The following SAMM50 variants were observed in gnomAD, a reference collection of about 807,000 sequenced individuals.
The protein encoded by SAMM50 is sorting and assembly machinery component 50 homolog.
In SAMM50, 47 loss-of-function variants were observed where a neutral mutation model predicts 66.9. That is an observed-to-expected ratio of 0.70 (90% CI 0.56 to 0.90). SAMM50 has a LOEUF of 0.90. SAMM50 is among the 40% of genes least tolerant of loss of function. The probability of loss-of-function intolerance (pLI) is 0.00; values close to 1 mark genes in which losing one functional copy is unlikely to be tolerated. For missense variants in SAMM50, 535 were observed against 595.3 expected (o/e 0.90, Z 1.05); for synonymous variants, 191 against 214.1 (o/e 0.89, Z 0.94).
In SAMM50 at chr22:43,972,348, C is replaced by G; in HGVS notation, c.429+6C>G. ...GAAACAATGAAGGCAGTATGGTATG[C>G]TACAGGCTTTTTACTTTCTTATATT... On this transcript the variant is annotated splice_donor_region_variant and intron_variant, in intron 5 of 14. Transcript: ENST00000350028. 1 of 1,502,554 alleles carries G rather than the reference C, an allele frequency of 6.7e-7. No homozygotes were observed. The allele number at this position is 1,502,554 out of a possible 1,614,324, so 93.1% of individuals were successfully genotyped here.
At chr22:43,977,658 C>T (rs572623040) in intron 9 of SAMM50, among the ~76,000 whole-genome samples, 12 of 152,322 alleles carry the variant, frequency 7.9e-5, no homozygotes, top group African/African-American at 2.4e-4. Context: ...CAGAGGGCAG[C>T]CTCTGCACCT....
At chr22:43,984,921 C>T (rs1375323993) in intron 12 of SAMM50, among the ~76,000 whole-genome samples, 1 of 151,996 alleles carries the variant, frequency 6.6e-6, no homozygotes, top group Non-Finnish European at 1.5e-5. Flanking sequence ...TGAGCCACTG[C>T]GCCTGGCCCC....
chr22:43,976,103 C>G lies in SAMM50; in HGVS notation c.697C>G (p.Arg233Gly), dbSNP rs143794573. The change falls in exon 8 of 15, where the codon CGA becomes GGA. Residue 233 changes from arginine (R) to glycine (G), a missense_variant. Physicochemically the swap from Arg to Gly is moderately radical, Grantham distance 125. Coordinates refer to ENST00000350028, the MANE Select transcript of SAMM50 (RefSeq NM_015380.5). Reference sequence around the variant, plus strand: ...CACTGTCAAGTGGGAAGGCGTATGGCGAGAACTGGGCTGCCTCTCAAGGAC... The same window carrying G: ...CACTGTCAAGTGGGAAGGCGTATGGGGAGAACTGGGCTGCCTCTCAAGGAC... ...SHTVKWEGVWRELGCLSRTAS... is the reference protein window; with the variant it reads ...SHTVKWEGVWGELGCLSRTAS... The G allele has an allele frequency of 1.9e-6, 3 of 1,612,816 alleles. No homozygotes were observed. The highest frequency in any genetic ancestry group is 2.5e-6 in the Non-Finnish European group (3 of 1,178,992).
intron 13 of SAMM50, 149 bp downstream of exon 13, chr22:43,989,406 G>A (rs980310225): frequency 2.0e-5 from 16 of 784,626 alleles, no homozygotes; most frequent in South Asian, 9.5e-5. Flanking sequence ...GCGCAATCTC[G>A]GCTCACTGCA....
intron 4 of SAMM50, 87 bp downstream of exon 4, chr22:43,968,905 G>T (rs2050189098): frequency 2.3e-6 from 2 of 859,778 alleles, no homozygotes; most frequent in Non-Finnish European, 3.9e-6. Flanking sequence ...GATCTGGGCA[G>T]CAGAGCACTG....
Position 43,976,062 on chromosome 22 carries a change from T to C in SAMM50, c.656T>C (p.Ile219Thr). Residue 219 changes from isoleucine to threonine, a missense_variant, in exon 8 of 15, where the codon ATA becomes ACA. By Grantham distance (89) the Ile-to-Thr change is moderately conservative (BLOSUM62 -1). Transcript: ENST00000350028. ...CTGATCTCCATGTTGCAGTTTCCCATATGGAAGACCAGCCACACTGTCAAG... is the reference window on the plus strand; with the variant it reads ...CTGATCTCCATGTTGCAGTTTCCCACATGGAAGACCAGCCACACTGTCAAG... Reference protein sequence around the residue: ...RGMSAEYSFPIWKTSHTVKWE... With the variant: ...RGMSAEYSFPTWKTSHTVKWE... 2 of 1,610,168 alleles carry C rather than the reference T, an allele frequency of 1.2e-6. No individual in the cohort carries two copies. The highest frequency in any genetic ancestry group is 1.7e-6 in the Non-Finnish European group (2 of 1,176,610).
chr22:43,992,583 T>C (rs2050331009), intron 14 of SAMM50, among the ~76,000 whole-genome samples: 1 of 152,270 alleles, frequency 6.6e-6, no homozygotes, highest in South Asian at 2.1e-4. Context: ...GGGGCCCAGC[T>C]TGGCCACTCT....
Position 43,983,994 on chromosome 22 carries a change from A to T in SAMM50, c.1069A>T (p.Ser357Cys). ...GFSMHSIGPQ[S>C]EGDYLGGEAY... ...CAGCATGCACAGCATCGGGCCACAG[A>T]GCGAAGGTCTGTCCTTTCCCCTCAC... is the stretch of plus-strand genomic sequence containing the variant. The change falls in exon 12 of 15, where the codon AGC becomes TGC. Residue 357 changes from serine to cysteine, a missense_variant. By Grantham distance (112) the Ser-to-Cys change is moderately radical (BLOSUM62 -1). Transcript: ENST00000350028. The surrounding 1 kb of genome is among the most constrained non-coding windows in gnomAD (Gnocchi z 4.2). 1 of 1,611,144 alleles carries T rather than the reference A, an allele frequency of 6.2e-7. No individual in the cohort carries two copies. Among genetic ancestry groups the T allele is most frequent in the Non-Finnish European group, 8.5e-7 (1 of 1,178,884 alleles).
At chr22:43,971,750 G>A (rs1036633101) in intron 4 of SAMM50, among the ~76,000 whole-genome samples, 17 of 151,726 alleles carry the variant, frequency 1.1e-4, no homozygotes, top group African/African-American at 3.4e-4. Context: ...TTGCTCTGTC[G>A]TCCGGGCTGG....
intron 10 of SAMM50, among the ~76,000 whole-genome samples, chr22:43,978,509 C>CTA (rs1450559675): frequency 1.3e-4 from 19 of 150,146 alleles, no homozygotes; most frequent in African/African-American, 4.4e-4. Flanking sequence ...CCCCGTTTAT[C>CTA]ATCTCAGGGC....
intron 3 of SAMM50, among the ~76,000 whole-genome samples, chr22:43,967,231 C>T (rs1569026351): frequency 6.6e-6 from 1 of 152,212 alleles, no homozygotes; most frequent in Non-Finnish European, 1.5e-5. Flanking sequence ...TAGCCAGCTC[C>T]TCTGTGTTGA....
In SAMM50 at chr22:43,981,468, A is replaced by G. The variant is rs2050264464; in HGVS notation, c.1007+7A>G. ...CGTCAAGCATTGCTGATAGGTAAGTACTAATCAATGAATGGATAATTTGCA... is the reference window on the plus strand; with the variant it reads ...CGTCAAGCATTGCTGATAGGTAAGTGCTAATCAATGAATGGATAATTTGCA... On this transcript the variant is annotated splice_region_variant and intron_variant, in intron 11 of 14. Coordinates refer to ENST00000350028, the MANE Select transcript of SAMM50 (RefSeq NM_015380.5). 6.3e-7 allele frequency: 1 copy of G among 1,586,094 alleles called. No homozygotes were observed. The highest frequency in any genetic ancestry group is 8.7e-7 in the Non-Finnish European group (1 of 1,154,660).
chr22:43,994,274 T>C (rs538561452), intron 14 of SAMM50, among the ~76,000 whole-genome samples: 1 of 151,598 alleles, frequency 6.6e-6, no homozygotes, highest in East Asian at 1.9e-4. Flanking sequence ...GAAGGGGGAG[T>C]GGGGAGGTCC....
At chr22:43,992,060 TC>T (rs1261039986) in intron 14 of SAMM50, among the ~76,000 whole-genome samples, 2 of 152,234 alleles carry the variant, frequency 1.3e-5, no homozygotes, top group South Asian at 4.1e-4. Context: ...GCCTGTTTTT[TC>T]TCTTCATTTT....
intron 10 of SAMM50, among the ~76,000 whole-genome samples, chr22:43,980,091 T>TATCCATCCATCCAC (rs2050254974): frequency 7.7e-6 from 1 of 129,204 alleles, no homozygotes; most frequent in African/African-American, 3.1e-5. Context: ...CGTCCGTCCA[T>TATCCATCCATCCAC]CCATCCACCC....
chr22:43,970,274 C>T (rs1485851319), intron 4 of SAMM50, among the ~76,000 whole-genome samples: 1 of 151,914 alleles, frequency 6.6e-6, no homozygotes, highest in Non-Finnish European at 1.5e-5. Flanking sequence ...TCTGAAGTCA[C>T]CTTGGGCTAG....
At chr22:43,972,704 G>A (rs9626076) in intron 5 of SAMM50, among the ~76,000 whole-genome samples, 167 bp from the exon 6 acceptor site, 7,012 of 152,216 alleles carry the variant, frequency 0.046, 221 homozygotes, top group Middle Eastern at 0.075. Context: ...ACTCAGCAGC[G>A]GCATGTTTTA....
intron 7 of SAMM50, among the ~76,000 whole-genome samples, chr22:43,974,007 G>T (rs1250717119): frequency 2.1e-5 from 3 of 142,750 alleles, no homozygotes; most frequent in Non-Finnish European, 4.5e-5. Flanking sequence ...GCCTTTTTGG[G>T]GCTTTATGAT....
chr22:43,978,072 T>G, intron 10 of SAMM50, 114 bp downstream of exon 10: 3 of 672,814 alleles, frequency 4.5e-6, no homozygotes, highest in Non-Finnish European at 7.7e-6. Flanking sequence ...TGGGCGGTAA[T>G]GCTTAACCTT....
Sources: allele counts gnomAD v4.1 joint callset (sites outside exome capture counted in the v4.1 genomes callset), GRCh38; gene constraint gnomAD v4.1.1; non-coding constraint Gnocchi (gnomAD v3.1); transcripts MANE v1.5; gene names NCBI Gene and HGNC (gene_info 2026-07-23, HGNC 2026-07-21).